The following SLC12A5 variants were observed in gnomAD, a reference collection of about 807,000 sequenced individuals.
The protein encoded by SLC12A5 is solute carrier family 12 member 5.
A neutral mutation model predicts 124.0 loss-of-function variants in SLC12A5; 18 were observed. The ratio of observed to expected loss-of-function variants is 0.15; its 90% confidence interval spans 0.10 to 0.22. The LOEUF is 0.22. Among genes scored for constraint, SLC12A5 ranks in the 10% least tolerant of loss-of-function variants. The pLI is 1.00. For missense variants in SLC12A5, 867 were observed against 1,478.7 expected (o/e 0.59, Z 6.78); for synonymous variants, 589 against 568.0 (o/e 1.04, Z -0.53).
In SLC12A5 at chr20:46,053,140, G is replaced by A. The variant is rs368044730; in HGVS notation, c.2547+14G>A. On this transcript the variant is annotated intron_variant, in intron 19 of 25. Transcript: ENST00000243964. This position sits in a 1 kb window ranked among gnomAD's most constrained non-coding sequence, Gnocchi z 4.7. ...CGGCACCACAAGGTGAGTTGTGTGC[G>A]TGAGTGTATGCACGTGTGAGTGTGT... 189 of 1,603,866 alleles carry A rather than the reference G, an allele frequency of 1.2e-4. 1 individual carries two copies. The highest frequency in any genetic ancestry group is 5.2e-4 in the African/African-American group (39 of 74,794).
At chr20:46,022,178 A>C in intron 1 of SLC12A5, 1 of 286,806 alleles carries the variant, frequency 3.5e-6, no homozygotes, top group Non-Finnish European at 6.4e-6. Context: ...TGGTGATGGA[A>C]AGGCCGGGGT....
At chr20:46,030,465 GC>G (rs977625641) in intron 1 of SLC12A5, among the ~76,000 whole-genome samples, 6 of 150,586 alleles carry the variant, frequency 4.0e-5, no homozygotes, top group Admixed American at 1.3e-4. Flanking sequence ...AGGCTCCCAG[GC>G]CCCCCGCCGC....
Position 46,037,326 on chromosome 20 carries a change from T to C in SLC12A5, c.553T>C (p.Tyr185His). Residue 185 changes from tyrosine (Y) to histidine (H), a missense_variant, in exon 6 of 26, where the codon TAC (tyrosine) becomes CAC (histidine). Tyr to His is a moderately conservative substitution (Grantham distance 83). Around this residue, in one of 9 missense-constraint regions of SLC12A5, gnomAD observed 126 missense variants for 291.6 expected, o/e 0.43. Coordinates refer to ENST00000243964, the MANE Select transcript of SLC12A5 (RefSeq NM_020708.5). The stretch of plus-strand genomic sequence containing the variant: ...TGGGGGTGCCGTGGGCCTCTGCTTC[T>C]ACCTGGGCACTACCTTTGCAGGAGC... The part of the protein sequence containing the change: ...EFGGAVGLCF[Y>H]LGTTFAGAMY... 1 of 1,613,656 alleles carries C rather than the reference T, an allele frequency of 6.2e-7. No individual in the cohort carries two copies. The highest frequency in any genetic ancestry group is 8.5e-7 in the Non-Finnish European group (1 of 1,179,676).
chr20:46,044,401 C>T (rs1357899609), intron 11 of SLC12A5, among the ~76,000 whole-genome samples: 6 of 152,160 alleles, frequency 3.9e-5, no homozygotes, highest in Admixed American at 3.9e-4. Flanking sequence ...GGCTTCAGTC[C>T]AGTCCTTAGG....
chr20:46,031,108 G>T (rs1002690431), intron 1 of SLC12A5, among the ~76,000 whole-genome samples: 4 of 152,182 alleles, frequency 2.6e-5, no homozygotes, highest in Non-Finnish European at 4.4e-5. Flanking sequence ...CAGACACCAG[G>T]TATGGTCCCA....
At chr20:46,024,365 G>T (rs1030347647), upstream of SLC12A5, among the ~76,000 whole-genome samples, 2 of 152,178 alleles carry the variant, frequency 1.3e-5, no homozygotes, top group African/African-American at 2.4e-5. Flanking sequence ...TGATTTGGGT[G>T]ACTTTTAACC....
At position 46,053,025 on chromosome 20, in the gene SLC12A5, G is replaced by C; in HGVS notation, c.2446G>C (p.Gly816Arg). ...CACCAAGAACGTTTCCATGTTTCCTGGGAACCCTGAGCGCTTCTCTGAGGG... is the reference window on the plus strand; with the variant it reads ...CACCAAGAACGTTTCCATGTTTCCTCGGAACCCTGAGCGCTTCTCTGAGGG... The part of the protein sequence containing the change: ...LVTKNVSMFP[G>R]NPERFSEGSI... The change falls in exon 19 of 26, where the codon GGG becomes CGG. Residue 816 changes from glycine (G) to arginine (R), a missense_variant. Coordinates refer to ENST00000243964, the MANE Select transcript of SLC12A5 (RefSeq NM_020708.5). The surrounding 1 kb of genome is among the most constrained non-coding windows in gnomAD (Gnocchi z 4.7). 1 of 1,614,154 alleles carries C rather than the reference G, an allele frequency of 6.2e-7. No homozygotes were observed. The highest frequency in any genetic ancestry group is 8.5e-7 in the Non-Finnish European group (1 of 1,179,992).
At chr20:46,034,842 T>G in intron 1 of SLC12A5, 106 bp from the exon 2 acceptor site, 2 of 987,916 alleles carry the variant, frequency 2.0e-6, no homozygotes, top group South Asian at 2.8e-5. Context: ...ATTTTCCCAA[T>G]GCGCGAACTG....
At position 46,059,839 on chromosome 20, in the gene SLC12A5, C is replaced by A. The variant is rs926656438; in HGVS notation, c.*2234C>A. On this transcript the variant is annotated 3_prime_UTR_variant, in exon 26 of 26. Transcript: ENST00000243964. ...TAGTGTTGCTTTTGTTTTAGATGAT[C>A]TATGTGCAGGGCAATGCAATGAAGT... is the stretch of plus-strand genomic sequence containing the variant. 7 of 392,172 alleles carry A rather than the reference C, an allele frequency of 1.8e-5. No homozygotes were observed. Among genetic ancestry groups the A allele is most frequent in the Non-Finnish European group, 3.1e-5 (7 of 222,438 alleles). 24.3% of individuals were successfully genotyped at this position (392,172 alleles called of 1,614,324 possible).
chr20:46,041,139 A>G (rs992530764), intron 7 of SLC12A5, 190 bp from the exon 8 acceptor site: 3 of 544,726 alleles, frequency 5.5e-6, no homozygotes, highest in South Asian at 4.2e-5. Flanking sequence ...TTGGCTGCTT[A>G]TTAGAATCAC....
At chr20:46,023,436 G>A (rs1568853023) in exon 3 of SLC12A5, 4 of 398,674 alleles carry the variant, frequency 1.0e-5, no homozygotes, top group Middle Eastern at 1.3e-3. Flanking sequence ...GGCAGCATCG[G>A]TCCCCCCTCT....
chr20:46,040,510 G>T lies in SLC12A5; in HGVS notation c.750G>T (p.Lys250Asn), dbSNP rs777601251. The change falls in exon 7 of 26, where the codon AAG becomes AAT. Residue 250 changes from lysine to asparagine, a missense_variant. Physicochemically the swap from Lys to Asn is moderately conservative, Grantham distance 94. This residue lies in a region of SLC12A5 where 126 missense variants were observed against 291.6 expected (regional missense o/e 0.43). Transcript: ENST00000243964. Reference sequence around the variant, plus strand: ...CCACTGTGGTGTTTGTGGGTGTCAAGTATGTCAACAAGTTTGCCCTTGTCT... The same window carrying T: ...CCACTGTGGTGTTTGTGGGTGTCAATTATGTCAACAAGTTTGCCCTTGTCT... ...CMATVVFVGV[K>N]YVNKFALVFL... The T allele has an allele frequency of 1.9e-6, 3 of 1,614,236 alleles. No individual in the cohort carries two copies. The highest frequency in any genetic ancestry group is 2.5e-6 in the Non-Finnish European group (3 of 1,180,054).
intron 4 of SLC12A5, 26 bp from the exon 5 acceptor site, chr20:46,036,715 C>A (rs114573156): frequency 1.2e-6 from 2 of 1,613,382 alleles, no homozygotes; most frequent in Admixed American, 1.7e-5. Flanking sequence ...CCCCAGCCAC[C>A]GCTCTGATGA....
At position 46,045,709 on chromosome 20, in the gene SLC12A5, G is replaced by A. The variant is rs1004582082; in HGVS notation, c.1570-169G>A. Among the ~76,000 whole-genome samples, 19 of 152,308 alleles carry A rather than the reference G, an allele frequency of 1.2e-4. No homozygotes were observed. The highest frequency in any genetic ancestry group is 2.6e-4 in the African/African-American group (11 of 41,572). Reference sequence around the variant, plus strand: ...GATCTCAGGGTGGGCAAGATGCAGCGAAAGCCTGTTATCCATTTGCATTCT... The same window carrying A: ...GATCTCAGGGTGGGCAAGATGCAGCAAAAGCCTGTTATCCATTTGCATTCT... On this transcript the variant is annotated intron_variant, in intron 12 of 25. Coordinates refer to ENST00000243964, the MANE Select transcript of SLC12A5 (RefSeq NM_020708.5). The surrounding 1 kb of genome is among the most constrained non-coding windows in gnomAD (Gnocchi z 4.9).
intron 5 of SLC12A5, 34 bp downstream of exon 5, chr20:46,036,829 G>T (rs1303710114): frequency 6.2e-7 from 1 of 1,613,242 alleles, no homozygotes; most frequent in South Asian, 1.1e-5. Flanking sequence ...GAGGGAGGAT[G>T]GCTGGGTGGA....
rs372835958 is a variant in SLC12A5 at position 46,049,548 on chromosome 20, C to G, written c.2013-74C>G. 481 of 1,526,480 alleles carry G rather than the reference C, an allele frequency of 3.2e-4. 8 individuals carry two copies. In the South Asian group the frequency reaches 5.5e-3, roughly 17 times the overall value. The allele number at this position is 1,526,480 out of a possible 1,614,324, so 94.6% of individuals were successfully genotyped here. Reference sequence around the variant, plus strand: ...TATAGAGGAGAGATGGCTAGATGACCTGGTGGTGGGTGTATGGTGTGTGGA... The same window carrying G: ...TATAGAGGAGAGATGGCTAGATGACGTGGTGGTGGGTGTATGGTGTGTGGA... On this transcript the variant is annotated intron_variant, in intron 16 of 25. Transcript: ENST00000243964.
intron 1 of SLC12A5, among the ~76,000 whole-genome samples, chr20:46,031,470 A>G (rs1461905496): frequency 1.3e-5 from 2 of 152,136 alleles, no homozygotes; most frequent in Non-Finnish European, 2.9e-5. Flanking sequence ...TCAGGCCAAG[A>G]GCCCCTGACA....
chr20:46,050,315 G>A (rs1297064884), intron 17 of SLC12A5, among the ~76,000 whole-genome samples: 1 of 152,202 alleles, frequency 6.6e-6, no homozygotes, highest in African/African-American at 2.4e-5. Context: ...TTGAACTCAG[G>A]CCCCTGCTCT....
rs1366907213 is a variant in SLC12A5, at chr20:46,041,483, C to T, written c.1009C>T (p.Arg337Ter). 2 of 1,614,058 alleles carry T rather than the reference C, an allele frequency of 1.2e-6. No individual in the cohort carries two copies. Among genetic ancestry groups the T allele is most frequent in the Admixed American group, 1.7e-5 (1 of 60,024 alleles). Residue 337 changes from arginine (R) to a stop codon, truncating the protein, a stop_gained, in exon 8 of 26, where the codon CGA (arginine) becomes TGA (stop). Transcript: ENST00000243964. LOFTEE classifies it high-confidence loss of function. ...CGCCACCTGTGATGAATACTTCACC[C>T]GAAACAATGTCACAGAGATCCAGGG... ...LNATCDEYFT[R>*]NNVTEIQGIP...
Sources: gnomAD v4.1 joint callset for allele counts (sites outside exome capture counted in the v4.1 genomes callset) on GRCh38, gnomAD v4.1.1 for gene constraint, gnomAD v4.1.1 regional missense constraint, Gnocchi (gnomAD v3.1) non-coding constraint, MANE v1.5 for transcripts, NCBI Gene and HGNC (gene_info 2026-07-23, HGNC 2026-07-21) for gene names.